The following RRAGD variants were observed in gnomAD, a reference collection of about 807,000 sequenced individuals.
The protein encoded by RRAGD is Ras related GTP binding D, also known as ras-related GTP-binding protein D.
In RRAGD, 12 loss-of-function variants were observed where a neutral mutation model predicts 35.5. The observed-to-expected ratio is 0.34, with a 90% CI of 0.22 to 0.55. The LOEUF (loss-of-function observed/expected upper bound fraction) is 0.55. RRAGD is among the 20% of genes least tolerant of loss of function. The probability of loss-of-function intolerance (pLI) is 0.91; values close to 1 mark genes in which losing one functional copy is unlikely to be tolerated. For synonymous variants in RRAGD, 155 were observed against 178.9 expected (o/e 0.87, Z 1.07); for missense variants, 324 against 490.1 (o/e 0.66, Z 3.20).
chr6:89,364,948 G>A lies in RRAGD; in HGVS notation c.*3108C>T, dbSNP rs1768713352. 6.6e-6 allele frequency: 1 copy of A among 152,194 alleles called. No homozygotes were observed. Among genetic ancestry groups the A allele is most frequent in the Non-Finnish European group, 1.5e-5 (1 of 68,034 alleles). The allele number at this position is 152,194 out of a possible 1,614,324, so 9.4% of individuals were successfully genotyped here. On this transcript the variant is annotated 3_prime_UTR_variant, in exon 7 of 7. Coordinates refer to ENST00000369415, the MANE Select transcript of RRAGD (RefSeq NM_021244.5). Reference sequence around the variant, plus strand: ...AACAATGGTTATTAAGTGATGTACTGCTTAAAGTAAAACATGGACTATACC... The same window carrying A: ...AACAATGGTTATTAAGTGATGTACTACTTAAAGTAAAACATGGACTATACC...
intron 1 of RRAGD, among the ~76,000 whole-genome samples, chr6:89,391,593 G>C (rs910331120): frequency 6.6e-6 from 1 of 152,122 alleles, no homozygotes; most frequent in South Asian, 2.1e-4. Context: ...GTTGCCAGTG[G>C]CTAGAGAGAA....
chr6:89,382,400 AAT>A (rs58343827), intron 2 of RRAGD, among the ~76,000 whole-genome samples: 10,605 of 130,818 alleles, frequency 0.081, 558 homozygotes, highest in Non-Finnish European at 0.11. Context: ...TATCTCTAGA[AAT>A]ATATATATAT....
chr6:89,391,969 A>AAAAAG (rs573599937), intron 1 of RRAGD, among the ~76,000 whole-genome samples: 9,458 of 149,906 alleles, frequency 0.063, 817 homozygotes, highest in East Asian at 0.26. Flanking sequence ...AAAAAAAAAA[A>AAAAAG]AAAAAAATCC....
intron 1 of RRAGD, among the ~76,000 whole-genome samples, chr6:89,407,093 G>A (rs1289359613): frequency 1.1e-4 from 17 of 152,236 alleles, no homozygotes; most frequent in South Asian, 1.0e-3. Context: ...TTGGCTTTAC[G>A]CAGTCCTCTA....
chr6:89,388,612 T>C (rs1229319687), intron 1 of RRAGD, among the ~76,000 whole-genome samples: 1 of 152,150 alleles, frequency 6.6e-6, no homozygotes, highest in Non-Finnish European at 1.5e-5. Context: ...AGAACAGCAG[T>C]CCCCAACCTT....
rs1408540366 is a variant in RRAGD, at chr6:89,411,010, G to A, written c.148+836C>T. On this transcript the variant is annotated intron_variant, in intron 1 of 6. Transcript: ENST00000369415. This position sits in a 1 kb window ranked among gnomAD's most constrained non-coding sequence, Gnocchi z 5.6. ...TCGCTTCTGAGGGAAACTAAAAAAA[G>A]TTTAACCTCTCTGGAATACTAAAAG... Among the ~76,000 whole-genome samples, 1 of 152,174 alleles carries A rather than the reference G, an allele frequency of 6.6e-6. No individual in the cohort carries two copies. The highest frequency in any genetic ancestry group is 1.5e-5 in the Non-Finnish European group (1 of 68,026).
At chr6:89,368,815 G>A (rs57757728) in intron 6 of RRAGD, among the ~76,000 whole-genome samples, 10,429 of 151,954 alleles carry the variant, frequency 0.069, 837 homozygotes, top group East Asian at 0.27. Context: ...ATAGTAGGAG[G>A]GAATCTTCTT....
chr6:89,370,330 T>C (rs891678542), intron 6 of RRAGD, among the ~76,000 whole-genome samples: 1 of 152,210 alleles, frequency 6.6e-6, no homozygotes, highest in Admixed American at 6.5e-5. Flanking sequence ...TGGTCAGTCA[T>C]GGTACACACA....
At position 89,365,848 on chromosome 6, in the gene RRAGD, C is replaced by T. The variant is rs954103224; in HGVS notation, c.*2208G>A. On this transcript the variant is annotated 3_prime_UTR_variant, in exon 7 of 7. Coordinates refer to ENST00000369415, the MANE Select transcript of RRAGD (RefSeq NM_021244.5). ...TGATTTACCAAATAGGCTAGTGTCT[C>T]TAGCTTGAGGATAAAGTCATATTAG... 3 of 152,208 alleles carry T rather than the reference C, an allele frequency of 2.0e-5. No individual in the cohort carries two copies. Among genetic ancestry groups the T allele is most frequent in the African/African-American group, 2.4e-5 (1 of 41,442 alleles). The allele number at this position is 152,208 out of a possible 1,614,324, so 9.4% of individuals were successfully genotyped here.
In RRAGD at chr6:89,411,629, C is replaced by G. The variant is rs1268747482; in HGVS notation, c.148+217G>C. 1.7e-6 allele frequency: 1 copy of G among 574,570 alleles called. No individual in the cohort carries two copies. The highest frequency in any genetic ancestry group is 2.0e-5 in the African/African-American group (1 of 50,296). The allele number at this position is 574,570 out of a possible 1,614,324, so 35.6% of individuals were successfully genotyped here. On this transcript the variant is annotated intron_variant, in intron 1 of 6. Coordinates refer to ENST00000369415, the MANE Select transcript of RRAGD (RefSeq NM_021244.5). This position sits in a 1 kb window ranked among gnomAD's most constrained non-coding sequence, Gnocchi z 5.6. ...CTTACTCCCTCCTTCCCCTTTTCCA[C>G]CGATCCTGGTTGCCCCTCCGCCACC...
rs1398948694 is a variant in RRAGD, at chr6:89,367,399, C to T, written c.*657G>A. The T allele has an allele frequency of 6.6e-6, 1 of 152,178 alleles. No homozygotes were observed. Among genetic ancestry groups the T allele is most frequent in the Non-Finnish European group, 1.5e-5 (1 of 68,036 alleles). The allele number at this position is 152,178 out of a possible 1,614,324, so 9.4% of individuals were successfully genotyped here. A position where few individuals can be genotyped will look rare whatever the true frequency, so the allele number is the denominator to read the frequency against. On this transcript the variant is annotated 3_prime_UTR_variant, in exon 7 of 7. Coordinates refer to ENST00000369415, the MANE Select transcript of RRAGD (RefSeq NM_021244.5). ...GTTGAGGTAAACAGCTTCATAAAAA[C>T]CGTTGAGCAGGGAAGCACAGCCACT...
At position 89,412,060 on chromosome 6, in the gene RRAGD, G is replaced by A; in HGVS notation, c.-67C>T. Reference sequence around the variant, plus strand: ...GGGGTGGGGGCCAAGCCTCCTAGCCGGCCGCCCGCAGCCTATTTCTGAAGC... The same window carrying A: ...GGGGTGGGGGCCAAGCCTCCTAGCCAGCCGCCCGCAGCCTATTTCTGAAGC... On this transcript the variant is annotated 5_prime_UTR_variant, in exon 1 of 7. Coordinates refer to ENST00000369415, the MANE Select transcript of RRAGD (RefSeq NM_021244.5). This position sits in a 1 kb window ranked among gnomAD's most constrained non-coding sequence, Gnocchi z 4.2. 6.9e-7 allele frequency: 1 copy of A among 1,440,874 alleles called. No individual in the cohort carries two copies. The highest frequency in any genetic ancestry group is 9.2e-7 in the Non-Finnish European group (1 of 1,091,648). 89.3% of individuals were successfully genotyped at this position (1,440,874 alleles called of 1,614,324 possible).
chr6:89,401,586 C>G lies in RRAGD; in HGVS notation c.148+10260G>C, dbSNP rs527603700. On this transcript the variant is annotated intron_variant, in intron 1 of 6. Coordinates refer to ENST00000369415, the MANE Select transcript of RRAGD (RefSeq NM_021244.5). ...CAGCATTTAGAATAAAATCCAAATG[C>G]CTTCTTTTCCCCCTCACCCATGCCT... Among the ~76,000 whole-genome samples, 52 of 151,456 alleles carry G rather than the reference C, an allele frequency of 3.4e-4. 1 individual carries two copies. Among genetic ancestry groups the G allele is most frequent in the Non-Finnish European group, 4.7e-4 (32 of 67,844 alleles).
chr6:89,374,515 G>A (rs541987999), intron 5 of RRAGD, among the ~76,000 whole-genome samples: 154 of 152,270 alleles, frequency 1.0e-3, no homozygotes, highest in Non-Finnish European at 1.7e-3. Flanking sequence ...TGGATCGCCT[G>A]AGGTTGGGAG....
intron 5 of RRAGD, among the ~76,000 whole-genome samples, chr6:89,377,267 C>G (rs961707242): frequency 1.3e-5 from 2 of 152,148 alleles, no homozygotes; most frequent in Admixed American, 1.3e-4. Flanking sequence ...GGTACCCCAA[C>G]CCCTGTGTTG....
intron 2 of RRAGD, among the ~76,000 whole-genome samples, chr6:89,386,691 T>C (rs989528746): frequency 2.0e-5 from 3 of 152,164 alleles, no homozygotes; most frequent in African/African-American, 7.2e-5. Flanking sequence ...TGCTTATAAC[T>C]ATATAAACAG....
rs1768738343 is a variant in RRAGD at position 89,366,121 on chromosome 6, G to C, written c.*1935C>G. ...TTTCAAAATGCACAGAACCTTGGGA[G>C]GCTCAAACCTTAAACACCAACCAGA... On this transcript the variant is annotated 3_prime_UTR_variant, in exon 7 of 7. Coordinates refer to ENST00000369415, the MANE Select transcript of RRAGD (RefSeq NM_021244.5). 6.6e-6 allele frequency: 1 copy of C among 152,130 alleles called. No homozygotes were observed. The highest frequency in any genetic ancestry group is 1.5e-5 in the Non-Finnish European group (1 of 68,026). 9.4% of individuals were successfully genotyped at this position (152,130 alleles called of 1,614,324 possible).
At chr6:89,410,669 C>A (rs1308908439) in intron 1 of RRAGD, among the ~76,000 whole-genome samples, 2 of 152,190 alleles carry the variant, frequency 1.3e-5, no homozygotes. Context: ...ATCTACCAGG[C>A]GCAAGGCATA....
rs1769700042 is a variant in RRAGD at position 89,411,781 on chromosome 6, G to C, written c.148+65C>G. On this transcript the variant is annotated intron_variant, in intron 1 of 6. Transcript: ENST00000369415. The surrounding 1 kb of genome is among the most constrained non-coding windows in gnomAD (Gnocchi z 5.6). ...CGGTGGCTCGCGCACGGCCGGGCTG[G>C]GGGCGGGAAGGCGCCAAGGGGAGGA... 1 of 1,490,252 alleles carries C rather than the reference G, an allele frequency of 6.7e-7. No homozygotes were observed. The highest frequency in any genetic ancestry group is 8.9e-7 in the Non-Finnish European group (1 of 1,117,852). The allele number at this position is 1,490,252 out of a possible 1,614,324, so 92.3% of individuals were successfully genotyped here.
Sources: allele counts gnomAD v4.1 joint callset (sites outside exome capture counted in the v4.1 genomes callset), GRCh38; gene constraint gnomAD v4.1.1; non-coding constraint Gnocchi (gnomAD v3.1); transcripts MANE v1.5; gene names NCBI Gene and HGNC (gene_info 2026-07-23, HGNC 2026-07-21).